ROR1: variants seen among roughly 807,000 people sequenced by gnomAD.
The protein encoded by ROR1 is ROR family WNT receptor 1.
Under a neutral mutation model 78.8 loss-of-function variants are expected in ROR1, and 19 were observed. That is an observed-to-expected ratio of 0.24 (90% CI 0.17 to 0.35). The LOEUF (loss-of-function observed/expected upper bound fraction) is 0.35. ROR1 is among the 10% of genes least tolerant of loss of function. The pLI is 1.00. For synonymous variants in ROR1, 386 were observed against 433.6 expected, an observed-to-expected ratio of 0.89 and a Z score of 1.36; for missense variants, 917 against 1,177.8, an observed-to-expected ratio of 0.78 and a Z score of 3.24.
At chr1:64,070,681 G>A (rs1646996485) in intron 4 of ROR1, among the ~76,000 whole-genome samples, 1 of 152,032 alleles carries the variant, frequency 6.6e-6, no homozygotes, top group Non-Finnish European at 1.5e-5. Flanking sequence ...TCCTTGTGGG[G>A]GTTCATTTGC....
At chr1:64,056,780 C>A (rs1399033654) in intron 4 of ROR1, among the ~76,000 whole-genome samples, 2 of 151,824 alleles carry the variant, frequency 1.3e-5, no homozygotes, top group African/African-American at 4.8e-5. Flanking sequence ...TGATGTTGAG[C>A]ATCTTTTCAT....
intron 4 of ROR1, among the ~76,000 whole-genome samples, chr1:64,113,337 G>A (rs939143550): frequency 8.5e-5 from 13 of 152,202 alleles, no homozygotes; most frequent in African/African-American, 3.1e-4. Context: ...GAGTGAATCA[G>A]TGAAAGTAGA....
chr1:64,154,370 A>T lies in ROR1; in HGVS notation c.1175-4611A>T, dbSNP rs1167715104. 2.0e-5 allele frequency among the ~76,000 whole-genome samples: 3 copies of T among 152,244 alleles called. No homozygotes were observed. In the East Asian group the frequency reaches 5.8e-4, roughly 29 times the overall value. On this transcript the variant is annotated intron_variant, in intron 7 of 8. Coordinates refer to ENST00000371079, the MANE Select transcript of ROR1 (RefSeq NM_005012.4). ...TGGTAGTGATTCCTGTTTGTTTTCT[A>T]TGGTTTTTAAATTTTTTTCAGTCAA...
At chr1:63,987,525 AT>A (rs1332255415) in intron 1 of ROR1, among the ~76,000 whole-genome samples, 13 of 152,186 alleles carry the variant, frequency 8.5e-5, no homozygotes, top group African/African-American at 3.1e-4. Context: ...TTTAAGTTAG[AT>A]TATTTAAACA....
intron 1 of ROR1, among the ~76,000 whole-genome samples, chr1:63,979,067 C>A (rs924323134): frequency 2.0e-5 from 3 of 152,204 alleles, no homozygotes; most frequent in African/African-American, 7.2e-5. Context: ...ATGAGGACCA[C>A]CCACATTATG....
chr1:63,828,938 C>T (rs1355125486), intron 1 of ROR1, among the ~76,000 whole-genome samples: 3 of 152,170 alleles, frequency 2.0e-5, no homozygotes, highest in Non-Finnish European at 4.4e-5. Context: ...TCAGTGAGGC[C>T]CTAACTATCT....
At chr1:63,925,049 C>T (rs1419982443) in intron 1 of ROR1, among the ~76,000 whole-genome samples, 1 of 146,454 alleles carries the variant, frequency 6.8e-6, no homozygotes, top group Non-Finnish European at 1.5e-5. Flanking sequence ...TTTTAGGGTA[C>T]ATGTGCACAT....
intron 4 of ROR1, among the ~76,000 whole-genome samples, chr1:64,101,362 A>G (rs1371546655): frequency 6.6e-6 from 1 of 152,162 alleles, no homozygotes. Flanking sequence ...CTGTTTTGAT[A>G]AACACTAAGT....
intron 4 of ROR1, among the ~76,000 whole-genome samples, chr1:64,115,612 G>GTGTA (rs1553159338): frequency 6.7e-6 from 1 of 148,640 alleles, no homozygotes; most frequent in African/African-American, 2.5e-5. Flanking sequence ...ATATATATGT[G>GTGTA]TATATATATA....
intron 1 of ROR1, among the ~76,000 whole-genome samples, chr1:63,944,430 A>G (rs1005734074): frequency 1.3e-5 from 2 of 152,184 alleles, no homozygotes; most frequent in Admixed American, 1.3e-4. Flanking sequence ...TTTTCATTTG[A>G]TTGTGCATTG....
chr1:63,938,602 A>G (rs574631580), intron 1 of ROR1, among the ~76,000 whole-genome samples: 25 of 152,310 alleles, frequency 1.6e-4, no homozygotes, highest in East Asian at 1.4e-3. Context: ...TTGCTGTTCA[A>G]TGAAATCTCC....
At chr1:63,880,459 T>C (rs1374997093) in intron 1 of ROR1, among the ~76,000 whole-genome samples, 7 of 152,204 alleles carry the variant, frequency 4.6e-5, no homozygotes, top group Non-Finnish European at 1.0e-4. Context: ...AACCACAATG[T>C]GTGTTCCTGC....
At chr1:63,798,795 CTTCT>C in intron 1 of ROR1, among the ~76,000 whole-genome samples, 1 of 151,976 alleles carries the variant, frequency 6.6e-6, no homozygotes, top group Admixed American at 6.5e-5. Flanking sequence ...ATGATCGTCC[CTTCT>C]TTACAGATGA....
At chr1:63,976,571 A>G (rs1274264341) in intron 1 of ROR1, among the ~76,000 whole-genome samples, 1 of 152,216 alleles carries the variant, frequency 6.6e-6, no homozygotes, top group Non-Finnish European at 1.5e-5. Flanking sequence ...CTATAAAACC[A>G]TAACCAACTT....
chr1:64,119,500 G>A lies in ROR1; in HGVS notation c.483-17869G>A, dbSNP rs774661280. 5.9e-5 allele frequency among the ~76,000 whole-genome samples: 9 copies of A among 152,066 alleles called. No individual in the cohort carries two copies. In the South Asian group the frequency reaches 1.0e-3, roughly 18 times the overall value. ...CTAAAAATACGAAAATTAGCCAGGC[G>A]TGGTGGCAGGCGCCTGTAATCCCAG... On this transcript the variant is annotated intron_variant, in intron 4 of 8. Transcript: ENST00000371079.
At chr1:64,091,831 T>C (rs1317240844) in intron 4 of ROR1, among the ~76,000 whole-genome samples, 2 of 152,188 alleles carry the variant, frequency 1.3e-5, no homozygotes, top group African/African-American at 4.8e-5. Flanking sequence ...ACTGAGTTTC[T>C]CAAAGATCAT....
chr1:63,799,658 T>G (rs1174022251), intron 1 of ROR1, among the ~76,000 whole-genome samples: 1 of 152,188 alleles, frequency 6.6e-6, no homozygotes, highest in African/African-American at 2.4e-5. Flanking sequence ...TTTTTTTGTT[T>G]TTAAACAGCT....
intron 1 of ROR1, among the ~76,000 whole-genome samples, chr1:63,862,118 T>G (rs1645185754): frequency 6.6e-6 from 1 of 151,996 alleles, no homozygotes; most frequent in Admixed American, 6.6e-5. Context: ...CCTGGCCAGG[T>G]GCAGTGGCTC....
chr1:64,117,899 A>G (rs1648373449), intron 4 of ROR1, among the ~76,000 whole-genome samples: 1 of 152,236 alleles, frequency 6.6e-6, no homozygotes, highest in Non-Finnish European at 1.5e-5. Flanking sequence ...TTTTGTCTTC[A>G]TACAAATAAT....
Sources: allele counts gnomAD v4.1 joint callset (sites outside exome capture counted in the v4.1 genomes callset), GRCh38; gene constraint gnomAD v4.1.1; transcripts MANE v1.5; gene names NCBI Gene and HGNC (gene_info 2026-07-23, HGNC 2026-07-21).